The following TMEM120B variants were observed in gnomAD, a reference collection of about 807,000 sequenced individuals.
TMEM120B encodes transmembrane protein 120B.
A neutral mutation model predicts 55.5 loss-of-function variants in TMEM120B; 31 were observed. The observed-to-expected ratio is 0.56, with a 90% CI of 0.42 to 0.75. The LOEUF (loss-of-function observed/expected upper bound fraction) is 0.75. Among genes scored for constraint, TMEM120B ranks in the 30% least tolerant of loss-of-function variants. The probability of loss-of-function intolerance (pLI) is 0.00; values close to 1 mark genes in which losing one functional copy is unlikely to be tolerated. For synonymous variants in TMEM120B, 203 were observed against 176.3 expected (o/e 1.15, Z -1.20); for missense variants, 399 against 425.5 (o/e 0.94, Z 0.55).
At chr12:121,722,997 C>T (rs913095011) in intron 1 of TMEM120B, among the ~76,000 whole-genome samples, 1 of 151,682 alleles carries the variant, frequency 6.6e-6, no homozygotes, top group Non-Finnish European at 1.5e-5. Context: ...TACAGGCATG[C>T]ACCTCCACAC....
chr12:121,766,732 G>A (rs1018353685), intron 6 of TMEM120B, among the ~76,000 whole-genome samples: 4 of 152,200 alleles, frequency 2.6e-5, no homozygotes, highest in African/African-American at 9.7e-5. Context: ...TTCCCCACAG[G>A]GGCAAAGCAG....
At chr12:121,729,672 G>T (rs952091072) in intron 1 of TMEM120B, among the ~76,000 whole-genome samples, 3 of 151,606 alleles carry the variant, frequency 2.0e-5, no homozygotes, top group African/African-American at 2.4e-5. Context: ...GGTGGCACAT[G>T]CCTGTAGTTC....
At chr12:121,766,477 A>G (rs1413401670) in intron 6 of TMEM120B, among the ~76,000 whole-genome samples, 2 of 152,070 alleles carry the variant, frequency 1.3e-5, no homozygotes, top group African/African-American at 4.8e-5. Flanking sequence ...GATGGCCCCC[A>G]GCGGCCCCCA....
chr12:121,753,420 A>G (rs2137225452), intron 5 of TMEM120B, among the ~76,000 whole-genome samples: 1 of 151,980 alleles, frequency 6.6e-6, no homozygotes, highest in South Asian at 2.1e-4. Flanking sequence ...AAAATACAAA[A>G]ATTAGCCAGG....
rs138783460 is a variant in TMEM120B at position 121,766,807 on chromosome 12, T to A, written c.552-4100T>A. ...CAAAACAGCCGATGTCTATTACAGTTAGTTCTGGGCCAGAATGAGTAATGA... is the reference window on the plus strand; with the variant it reads ...CAAAACAGCCGATGTCTATTACAGTAAGTTCTGGGCCAGAATGAGTAATGA... On this transcript the variant is annotated intron_variant, in intron 6 of 11. Transcript: ENST00000449592. Among the ~76,000 whole-genome samples the A allele has an allele frequency of 5.6e-4, 86 of 152,300 alleles. No individual in the cohort carries two copies. In the East Asian group the frequency reaches 0.015, roughly 27 times the overall value.
In TMEM120B at chr12:121,775,997, C is replaced by T. The variant is rs1311455034; in HGVS notation, c.*275C>T. The stretch of plus-strand genomic sequence containing the variant: ...AGGTGGCTGAGGCCGGGCCAGTCTT[C>T]CTGGGGATGGGGCCTGAAGCCTCAG... On this transcript the variant is annotated 3_prime_UTR_variant, in exon 12 of 12. Transcript: ENST00000449592. This position sits in a 1 kb window ranked among gnomAD's most constrained non-coding sequence, Gnocchi z 4.3. 4.6e-5 allele frequency: 27 copies of T among 593,252 alleles called. No homozygotes were observed. The highest frequency in any genetic ancestry group is 7.2e-5 in the Non-Finnish European group (24 of 332,634). 36.7% of individuals were successfully genotyped at this position (593,252 alleles called of 1,614,324 possible).
intron 6 of TMEM120B, among the ~76,000 whole-genome samples, chr12:121,764,372 TAG>T (rs1463452100): frequency 2.0e-5 from 3 of 151,908 alleles, no homozygotes; most frequent in Admixed American, 6.6e-5. Flanking sequence ...AATACAAAAT[TAG>T]CCGGGCGTGG....
intron 1 of TMEM120B, among the ~76,000 whole-genome samples, chr12:121,713,659 C>G (rs143958465): frequency 4.6e-5 from 7 of 152,062 alleles, no homozygotes; most frequent in Non-Finnish European, 1.0e-4. Flanking sequence ...GCGGGGGTCC[C>G]CTGAGAGAAT....
In TMEM120B at chr12:121,780,975, C is replaced by G. The variant is rs750371812; in HGVS notation, c.*5253C>G. 1.2e-6 allele frequency: 2 copies of G among 1,613,956 alleles called. No homozygotes were observed. The highest frequency in any genetic ancestry group is 2.2e-5 in the South Asian group (2 of 91,058). Reference sequence around the variant, plus strand: ...GCAGCCGATGAGCACCATGGGGATCCCGCGGCAGAAATGCGTGACCTCAGG... The same window carrying G: ...GCAGCCGATGAGCACCATGGGGATCGCGCGGCAGAAATGCGTGACCTCAGG... On this transcript the variant is annotated 3_prime_UTR_variant, in exon 12 of 12. Coordinates refer to ENST00000449592, the MANE Select transcript of TMEM120B (RefSeq NM_001080825.2).
chr12:121,762,271 CAAAAA>C (rs796129443), intron 6 of TMEM120B, among the ~76,000 whole-genome samples: 1 of 117,244 alleles, frequency 8.5e-6, no homozygotes, highest in Non-Finnish European at 1.8e-5. Context: ...GACTCTGTCT[CAAAAA>C]AAAAAAAAAA....
chr12:121,732,540 C>T (rs1895020514), intron 1 of TMEM120B, among the ~76,000 whole-genome samples: 1 of 152,120 alleles, frequency 6.6e-6, no homozygotes, highest in Non-Finnish European at 1.5e-5. Flanking sequence ...GTCACCATCA[C>T]CAGTGGAACA....
intron 3 of TMEM120B, among the ~76,000 whole-genome samples, chr12:121,749,381 G>A (rs1347230623): frequency 6.6e-6 from 1 of 152,142 alleles, no homozygotes; most frequent in African/African-American, 2.4e-5. Flanking sequence ...GATTGCAAAC[G>A]ATAGAAAACC....
In TMEM120B at chr12:121,775,743, C is replaced by G; in HGVS notation, c.*21C>G. 6.2e-7 allele frequency: 1 copy of G among 1,612,538 alleles called. No homozygotes were observed. Among genetic ancestry groups the G allele is most frequent in the South Asian group, 1.1e-5 (1 of 91,062 alleles). ...CGTGAGCCTCGGGCTCCTGTGCCCT[C>G]GGCCCGGACTTCAGACTGCAGGGGG... On this transcript the variant is annotated 3_prime_UTR_variant, in exon 12 of 12. Transcript: ENST00000449592. The surrounding 1 kb of genome is among the most constrained non-coding windows in gnomAD (Gnocchi z 4.3).
Position 121,750,423 on chromosome 12 carries a change from C to T in TMEM120B, c.349C>T (p.Leu117Phe), listed in dbSNP as rs1873238806. The T allele has an allele frequency of 6.2e-7, 1 of 1,612,302 alleles. No individual in the cohort carries two copies. The highest frequency in any genetic ancestry group is 1.3e-5 in the African/African-American group (1 of 74,616). The change falls in exon 4 of 12, where the codon CTC (leucine) becomes TTC (phenylalanine). Residue 117 changes from leucine to phenylalanine, a missense_variant. Physicochemically the swap from Leu to Phe is conservative, Grantham distance 22. Transcript: ENST00000449592. ...LVLGNVNVTL[L>F]SNQAKFAYKD... Reference sequence around the variant, plus strand: ...CCTCGGCAATGTGAACGTGACCCTCCTCAGCAACCAGGCCAAGTAAGTGTC... The same window carrying T: ...CCTCGGCAATGTGAACGTGACCCTCTTCAGCAACCAGGCCAAGTAAGTGTC...
At chr12:121,751,639 T>TCCTTCCCTC (rs1873331788) in intron 4 of TMEM120B, among the ~76,000 whole-genome samples, 1 of 151,246 alleles carries the variant, frequency 6.6e-6, no homozygotes, top group South Asian at 2.1e-4. Context: ...TTCCTTCCCT[T>TCCTTCCCTC]CCTTCCCTCC....
At chr12:121,751,315 T>C (rs1260795932) in intron 4 of TMEM120B, among the ~76,000 whole-genome samples, 17 of 15,442 alleles carry the variant, frequency 1.1e-3, no homozygotes, top group Non-Finnish European at 1.2e-3. Context: ...CCACACCCCA[T>C]ACCCCACACC....
Position 121,761,730 on chromosome 12 carries a change from C to T in TMEM120B, c.543C>T (p.Asn181=), listed in dbSNP as rs61735145. 1.7e-3 allele frequency: 2,804 copies of T among 1,613,408 alleles called. 44 individuals carry two copies. The African/African-American group carries it at 0.032, about 18-fold the overall frequency. The change falls in exon 6 of 12, where the codon AAC becomes AAT. Residue 181 remains asparagine (N), a synonymous_variant. Coordinates refer to ENST00000449592, the MANE Select transcript of TMEM120B (RefSeq NM_001080825.2). ...TTCGGGAGAGCATTCTCATCAGCAA[C>T]GGCTCAAGGTACCTGGGCACCTGGC... ...LTIRESILIS[N]GSRIKGWWVS...
At chr12:121,721,943 G>GGACT (rs1296181583) in intron 1 of TMEM120B, among the ~76,000 whole-genome samples, 2 of 149,308 alleles carry the variant, frequency 1.3e-5, no homozygotes, top group African/African-American at 5.0e-5. Context: ...TGAGTAGCTG[G>GGACT]GACTACAGGC....
Position 121,775,974 on chromosome 12 carries a change from G to T in TMEM120B, c.*252G>T, listed in dbSNP as rs1874232507. 1.7e-6 allele frequency: 1 copy of T among 599,142 alleles called. No individual in the cohort carries two copies. The highest frequency in any genetic ancestry group is 2.0e-5 in the South Asian group (1 of 49,858). The allele number at this position is 599,142 out of a possible 1,614,324, so 37.1% of individuals were successfully genotyped here. A position where few individuals can be genotyped will look rare whatever the true frequency, so the allele number is the denominator to read the frequency against. ...CGAGGCCTCACTCCTGTGCTTGAAG[G>T]TGGCTGAGGCCGGGCCAGTCTTCCT... On this transcript the variant is annotated 3_prime_UTR_variant, in exon 12 of 12. Transcript: ENST00000449592. The surrounding 1 kb of genome is among the most constrained non-coding windows in gnomAD (Gnocchi z 4.3).
Sources: allele counts gnomAD v4.1 joint callset (sites outside exome capture counted in the v4.1 genomes callset), GRCh38; gene constraint gnomAD v4.1.1; non-coding constraint Gnocchi (gnomAD v3.1); transcripts MANE v1.5; gene names NCBI Gene and HGNC (gene_info 2026-07-23, HGNC 2026-07-21).